The following HELZ variants were observed in gnomAD, a reference collection of about 807,000 sequenced individuals.
HELZ encodes ATP-dependent RNA helicase with zinc finger domain.
A neutral mutation model predicts 218.2 loss-of-function variants in HELZ; 23 were observed. The ratio of observed to expected loss-of-function variants is 0.11; its 90% confidence interval spans 0.08 to 0.15. The LOEUF (loss-of-function observed/expected upper bound fraction) is 0.15. HELZ is among the 10% of genes least tolerant of loss of function. HELZ has a pLI of 1.00. For missense variants in HELZ, 1,813 were observed against 2,353.7 expected, an observed-to-expected ratio of 0.77 and a Z score of 4.75; for synonymous variants, 814 against 829.4, an observed-to-expected ratio of 0.98 and a Z score of 0.32.
intron 31 of HELZ, among the ~76,000 whole-genome samples, chr17:67,095,774 A>G (rs1207935807): frequency 1.3e-5 from 2 of 152,220 alleles, no homozygotes; most frequent in Non-Finnish European, 2.9e-5. Flanking sequence ...TCTTCCCAAC[A>G]ATCACAACAA....
rs769595242 is a variant in HELZ at position 67,120,551 on chromosome 17, G to A, written c.3692C>T (p.Ala1231Val). ...AVDPRIITHQ[A>V]AMAYNMNLLQ... ...TAGGTTCATGTTATAGGCCATTGCT[G>A]CCTGATGTGTAATAATTCGAGGATC... Residue 1231 changes from alanine to valine, a missense_variant, in exon 27 of 33, where the codon GCA becomes GTA. By Grantham distance (64) the Ala-to-Val change is moderately conservative. Transcript: ENST00000358691. The A allele has an allele frequency of 5.0e-6, 8 of 1,613,288 alleles. No homozygotes were observed. In the African/African-American group the frequency reaches 1.1e-4, roughly 22 times the overall value.
intron 3 of HELZ, among the ~76,000 whole-genome samples, chr17:67,238,637 G>A (rs531232215): frequency 7.2e-5 from 11 of 152,188 alleles, no homozygotes; most frequent in Admixed American, 3.3e-4. Context: ...AGCCGAGATC[G>A]TGCCATTCAT....
chr17:67,131,743 C>T (rs2037991964), intron 23 of HELZ, among the ~76,000 whole-genome samples: 1 of 152,098 alleles, frequency 6.6e-6, no homozygotes, highest in African/African-American at 2.4e-5. Context: ...TTATTCCTTA[C>T]TATTGAAATG....
chr17:67,120,327 G>A (rs2037567951), intron 27 of HELZ, 78 bp downstream of exon 27: 2 of 1,193,020 alleles, frequency 1.7e-6, no homozygotes, highest in Non-Finnish European at 2.5e-6. Flanking sequence ...CAATCATACT[G>A]TTAAAGGAAC....
intron 13 of HELZ, among the ~76,000 whole-genome samples, chr17:67,168,477 T>C (rs531538972): frequency 6.6e-6 from 1 of 152,318 alleles, no homozygotes; most frequent in South Asian, 2.1e-4. Flanking sequence ...ATAAAGACTT[T>C]AAAATCACCT....
At chr17:67,156,560 C>G (rs1441459072) in intron 17 of HELZ, among the ~76,000 whole-genome samples, 1 of 152,070 alleles carries the variant, frequency 6.6e-6, no homozygotes, top group East Asian at 1.9e-4. Flanking sequence ...GTTTCCAGGC[C>G]CAGCGAGTTA....
chr17:67,095,358 T>TACAA (rs141237630), intron 31 of HELZ, among the ~76,000 whole-genome samples: 1 of 152,018 alleles, frequency 6.6e-6, no homozygotes, highest in African/African-American at 2.4e-5. Context: ...CATAGTGAGA[T>TACAA]ACAAACAAAC....
At chr17:67,137,088 G>A (rs1418389883) in intron 22 of HELZ, among the ~76,000 whole-genome samples, 5 of 152,192 alleles carry the variant, frequency 3.3e-5, no homozygotes, top group Middle Eastern at 3.4e-3. Flanking sequence ...ACGAGGGCAC[G>A]CACAGCTGAT....
chr17:67,089,696 GAGAGACAGAGAGAC>G (rs2036517798), intron 31 of HELZ, among the ~76,000 whole-genome samples: 1 of 122,676 alleles, frequency 8.2e-6, no homozygotes, highest in African/African-American at 3.2e-5. Context: ...GAGAGAGAGA[GAGAGACAGAGAGAC>G]AGAGAGAGAG....
intron 27 of HELZ, chr17:67,120,008 T>TTTTTTTTTTTTTTTTTTTTG: frequency 2.8e-6 from 1 of 355,290 alleles, no homozygotes; most frequent in South Asian, 2.1e-5. Flanking sequence ...TTTTTTTTTT[T>TTTTTTTTTTTTTTTTTTTTG]TTTTTTTTTT....
At chr17:67,167,162 A>C (rs145616902) in intron 14 of HELZ, among the ~76,000 whole-genome samples, 26 of 152,260 alleles carry the variant, frequency 1.7e-4, no homozygotes, top group Non-Finnish European at 3.5e-4. Context: ...ACTGCAGATG[A>C]GAGATGTCCC....
chr17:67,207,555 T>C (rs1246561047), intron 5 of HELZ, among the ~76,000 whole-genome samples: 1 of 152,176 alleles, frequency 6.6e-6, no homozygotes, highest in Non-Finnish European at 1.5e-5. Flanking sequence ...TAGTTACTTC[T>C]GAAGTGTTTT....
At chr17:67,173,107 G>C (rs1475853381) in intron 13 of HELZ, 2 of 860,824 alleles carry the variant, frequency 2.3e-6, no homozygotes, top group Admixed American at 1.2e-4. Flanking sequence ...TAAAATAAAA[G>C]TCCTAAGAAA....
intron 31 of HELZ, among the ~76,000 whole-genome samples, chr17:67,101,460 T>C (rs2036928945): frequency 6.6e-6 from 1 of 152,134 alleles, no homozygotes; most frequent in African/African-American, 2.4e-5. Flanking sequence ...CTTAAAACAG[T>C]ATAATTCTAG....
At chr17:67,089,664 T>TAG (rs1451569948) in intron 31 of HELZ, among the ~76,000 whole-genome samples, 80 of 45,460 alleles carry the variant, frequency 1.8e-3, no homozygotes, top group Middle Eastern at 0.011. Context: ...TATATATATA[T>TAG]ATATAGAGAG....
chr17:67,239,075 TC>T (rs1306499928), intron 3 of HELZ, among the ~76,000 whole-genome samples: 1 of 152,200 alleles, frequency 6.6e-6, no homozygotes, highest in East Asian at 1.9e-4. Context: ...TTAACCAAGT[TC>T]ACTGGAGCAC....
intron 20 of HELZ, among the ~76,000 whole-genome samples, chr17:67,146,478 T>C (rs1034393353): frequency 3.3e-5 from 5 of 152,216 alleles, no homozygotes; most frequent in African/African-American, 1.2e-4. Context: ...TCTAGGTTAG[T>C]GTAAGTTCAC....
chr17:67,201,269 T>A, intron 6 of HELZ, 84 bp from the exon 7 acceptor site: 1 of 845,820 alleles, frequency 1.2e-6, no homozygotes, highest in Non-Finnish European at 1.9e-6. Flanking sequence ...CTCTGTTGTT[T>A]CTGAGTTTAT....
chr17:67,230,238 T>G (rs1158177914), intron 3 of HELZ, among the ~76,000 whole-genome samples: 1 of 152,140 alleles, frequency 6.6e-6, no homozygotes, highest in Non-Finnish European at 1.5e-5. Flanking sequence ...AGTTTGAGCC[T>G]CTTCCCAAAT....
Sources: gnomAD v4.1 joint callset for allele counts (sites outside exome capture counted in the v4.1 genomes callset) on GRCh38, gnomAD v4.1.1 for gene constraint, MANE v1.5 for transcripts, NCBI Gene and HGNC (gene_info 2026-07-23, HGNC 2026-07-21) for gene names.